The following ROBO1 variants were observed in gnomAD, a reference collection of about 807,000 sequenced individuals.
ROBO1 encodes the protein roundabout homolog 1.
ROBO1 carries 149 observed loss-of-function variants against 195.9 expected under a neutral mutation model. The ratio of observed to expected loss-of-function variants is 0.76; its 90% CI spans 0.67 to 0.87. The LOEUF (loss-of-function observed/expected upper bound fraction) is 0.87. ROBO1 is among the 40% of genes least tolerant of loss of function. The pLI is 0.00. For synonymous variants in ROBO1, 816 were observed against 733.2 expected (o/e 1.11, Z -1.82); for missense variants, 1,933 against 2,068.3 (o/e 0.93, Z 1.27).
At chr3:79,060,497 C>A (rs1443891289) in intron 3 of ROBO1, among the ~76,000 whole-genome samples, 1 of 151,948 alleles carries the variant, frequency 6.6e-6, no homozygotes, top group East Asian at 1.9e-4. Context: ...TGTAAAATTT[C>A]TCTTTTTTGT....
chr3:79,748,951 A>C (rs1302560552), intron 1 of ROBO1, among the ~76,000 whole-genome samples: 1 of 152,206 alleles, frequency 6.6e-6, no homozygotes, highest in African/African-American at 2.4e-5. Flanking sequence ...CCTGCTGAAA[A>C]GATACACAAA....
intron 2 of ROBO1, among the ~76,000 whole-genome samples, chr3:79,158,930 A>C (rs913115973): frequency 1.3e-5 from 2 of 152,000 alleles, no homozygotes; most frequent in Admixed American, 1.3e-4. Context: ...TCCTATATTT[A>C]AAATAGTTAT....
chr3:79,004,773 G>T (rs966923402), intron 3 of ROBO1, among the ~76,000 whole-genome samples: 5 of 152,112 alleles, frequency 3.3e-5, no homozygotes, highest in African/African-American at 9.7e-5. Flanking sequence ...CCCTAATTAG[G>T]CATGTGTGCA....
At chr3:78,704,668 A>G (rs2081506772) in intron 8 of ROBO1, among the ~76,000 whole-genome samples, 1 of 150,416 alleles carries the variant, frequency 6.6e-6, no homozygotes, top group Non-Finnish European at 1.5e-5. Context: ...CTCCAAAAAA[A>G]AAAAAAAAAA....
chr3:79,536,127 TTAA>T (rs778582536), intron 2 of ROBO1, among the ~76,000 whole-genome samples: 2 of 152,088 alleles, frequency 1.3e-5, no homozygotes, highest in Non-Finnish European at 2.9e-5. Flanking sequence ...AGGTGAGAAT[TTAA>T]TTTTTCTGAG....
chr3:79,322,480 G>A (rs1297938517), intron 2 of ROBO1, among the ~76,000 whole-genome samples: 1 of 152,152 alleles, frequency 6.6e-6, no homozygotes, highest in Non-Finnish European at 1.5e-5. Flanking sequence ...GTAAGAGAAG[G>A]AGGCATCACA....
rs949920157 is a variant in ROBO1 at position 79,519,407 on chromosome 3, G to A, written c.88+70417C>T. Among the ~76,000 whole-genome samples, 3 of 151,982 alleles carry A rather than the reference G, an allele frequency of 2.0e-5. No individual in the cohort carries two copies. The South Asian group carries it at 6.3e-4, about 32-fold the overall frequency. On this transcript the variant is annotated intron_variant, in intron 2 of 30. Transcript: ENST00000464233. ...ACACTTTGGGAGGCCGAAACGGGTG[G>A]ATCACGAGGTCAGGAGATCGAGAGC...
chr3:78,774,577 T>C (rs1271278568), intron 4 of ROBO1, among the ~76,000 whole-genome samples: 1 of 151,620 alleles, frequency 6.6e-6, no homozygotes, highest in Non-Finnish European at 1.5e-5. Flanking sequence ...CCCAAAGTGC[T>C]GGGATTACAG....
rs201342860 is a variant in ROBO1, at chr3:78,627,380, C to G, written c.3816G>C (p.Gln1272His). 1.8e-4 allele frequency: 295 copies of G among 1,612,534 alleles called. 1 individual carries two copies. In the African/African-American group the frequency reaches 3.7e-3, roughly 20 times the overall value. Reference sequence around the variant, plus strand: ...CCTCTGGACAATCCTGTAACATGGGCTGGAGTTCTTCCTGTGGGGAGGGAG... The same window carrying G: ...CCTCTGGACAATCCTGTAACATGGGGTGGAGTTCTTCCTGTGGGGAGGGAG... ...TLTPSPQEEL[Q>H]PMLQDCPEET... is the part of the protein sequence containing the mutation. The change falls in exon 26 of 31, where the codon CAG (glutamine) becomes CAC (histidine). Residue 1272 changes from glutamine to histidine, a missense_variant. Around this residue, in one of 3 missense-constraint regions of ROBO1, gnomAD observed 1,737 missense variants for 1,882.5 expected, o/e 0.92. Transcript: ENST00000464233.
intron 4 of ROBO1, among the ~76,000 whole-genome samples, chr3:78,813,998 A>C (rs2108641387): frequency 6.6e-6 from 1 of 152,088 alleles, no homozygotes. Flanking sequence ...TTAGCTTACC[A>C]TGCTATTCAC....
intron 2 of ROBO1, among the ~76,000 whole-genome samples, chr3:79,524,220 A>C (rs1575966911): frequency 6.6e-6 from 1 of 151,950 alleles, no homozygotes; most frequent in East Asian, 1.9e-4. Context: ...CCCACTATTT[A>C]GAAATTTTTA....
chr3:78,810,517 A>ATAT (rs1296673416), intron 4 of ROBO1, among the ~76,000 whole-genome samples: 1 of 152,190 alleles, frequency 6.6e-6, no homozygotes, highest in African/African-American at 2.4e-5. Flanking sequence ...AAAATGAAGT[A>ATAT]TATTATTGGT....
chr3:79,017,281 C>CCAGGGA (rs2077967978), intron 3 of ROBO1, among the ~76,000 whole-genome samples: 1 of 151,958 alleles, frequency 6.6e-6, no homozygotes, highest in East Asian at 1.9e-4. Flanking sequence ...TGTTAACTGT[C>CCAGGGA]TTAAGTAAAA....
chr3:78,922,050 A>G (rs182520988), intron 4 of ROBO1, among the ~76,000 whole-genome samples: 7 of 152,130 alleles, frequency 4.6e-5, no homozygotes, highest in African/African-American at 1.4e-4. Flanking sequence ...GGCCTCCCAA[A>G]GTGCTGGGAT....
chr3:79,291,449 C>T (rs2032242648), intron 2 of ROBO1, among the ~76,000 whole-genome samples: 1 of 152,198 alleles, frequency 6.6e-6, no homozygotes, highest in Non-Finnish European at 1.5e-5. Flanking sequence ...CTTCCAGAAT[C>T]TACCTTAAGC....
intron 2 of ROBO1, among the ~76,000 whole-genome samples, chr3:79,259,578 A>C (rs2082901798): frequency 6.6e-6 from 1 of 151,712 alleles, no homozygotes; most frequent in Non-Finnish European, 1.5e-5. Flanking sequence ...ACCTCCCCCT[A>C]TGCCCCCACT....
intron 1 of ROBO1, among the ~76,000 whole-genome samples, chr3:79,722,731 A>T (rs1339815513): frequency 6.6e-6 from 1 of 152,142 alleles, no homozygotes; most frequent in African/African-American, 2.4e-5. Flanking sequence ...ACTTATTTAA[A>T]ATTTGTATCT....
chr3:78,983,337 C>T (rs775224962), intron 3 of ROBO1, among the ~76,000 whole-genome samples: 11 of 152,174 alleles, frequency 7.2e-5, no homozygotes, highest in Admixed American at 1.3e-4. Context: ...CATCTACAGG[C>T]TAATTTCCTA....
At chr3:79,448,672 T>C (rs566106852) in intron 2 of ROBO1, among the ~76,000 whole-genome samples, 1 of 152,170 alleles carries the variant, frequency 6.6e-6, no homozygotes, top group Non-Finnish European at 1.5e-5. Context: ...TTGGTATATG[T>C]AGAGACTTTT....
Sources: gnomAD v4.1 joint callset for allele counts (sites outside exome capture counted in the v4.1 genomes callset) on GRCh38, gnomAD v4.1.1 for gene constraint, gnomAD v4.1.1 regional missense constraint, MANE v1.5 for transcripts, NCBI Gene and HGNC (gene_info 2026-07-23, HGNC 2026-07-21) for gene names.